The following PRPSAP2 variants were observed in gnomAD, a reference collection of about 807,000 sequenced individuals.
PRPSAP2 encodes the protein phosphoribosyl pyrophosphate synthase-associated protein 2.
A neutral mutation model predicts 40.6 loss-of-function variants in PRPSAP2; 24 were observed. The observed-to-expected ratio is 0.59, with a 90% confidence interval of 0.43 to 0.83. The LOEUF (loss-of-function observed/expected upper bound fraction) is 0.83, where lower values mean the gene tolerates loss of function less well. Ranked by LOEUF, PRPSAP2 falls within the 40% of genes least tolerant of loss-of-function variation. The pLI is 0.00. For missense variants in PRPSAP2, 292 were observed against 465.6 expected (o/e 0.63, Z 3.43); for synonymous variants, 149 against 164.7 (o/e 0.90, Z 0.73).
intron 9 of PRPSAP2, among the ~76,000 whole-genome samples, chr17:18,921,969 A>G (rs1266605440): frequency 1.3e-5 from 2 of 152,118 alleles, no homozygotes; most frequent in African/African-American, 4.8e-5. Context: ...TGCACCCATT[A>G]AGTAGTTTCA....
At chr17:18,863,574 C>T (rs1439037921) in intron 1 of PRPSAP2, among the ~76,000 whole-genome samples, 1 of 152,000 alleles carries the variant, frequency 6.6e-6, no homozygotes, top group Non-Finnish European at 1.5e-5. Flanking sequence ...GCTCTGTCGC[C>T]CAGGCTGGAG....
intron 8 of PRPSAP2, among the ~76,000 whole-genome samples, chr17:18,902,577 A>G (rs1229099423): frequency 6.6e-6 from 1 of 152,082 alleles, no homozygotes; most frequent in Non-Finnish European, 1.5e-5. Flanking sequence ...TTGGCCAAAT[A>G]TGATTGAAAT....
intron 11 of PRPSAP2, 124 bp from the exon 12 acceptor site, chr17:18,930,416 C>A: frequency 1.2e-6 from 1 of 802,908 alleles, no homozygotes; most frequent in Non-Finnish European, 2.0e-6. Context: ...TGACTTGAGA[C>A]ATAGATCCAC....
chr17:18,923,349 G>T (rs929150757), intron 9 of PRPSAP2, among the ~76,000 whole-genome samples: 1 of 145,216 alleles, frequency 6.9e-6, no homozygotes, highest in Non-Finnish European at 1.5e-5. Flanking sequence ...CTCGTGATCC[G>T]CCCGCCTCAG....
rs753619688 is a variant in PRPSAP2 at position 18,867,322 on chromosome 17, G to T, written c.160G>T (p.Glu54Ter). 17 of 1,614,134 alleles carry T rather than the reference G, an allele frequency of 1.1e-5. No individual in the cohort carries two copies. Among genetic ancestry groups the T allele is most frequent in the Non-Finnish European group, 1.4e-5 (17 of 1,180,024 alleles). ...GATGGGCAAAGTGCAGGTTTACCAGGAACCTAACAGAGGTGAGCTATCTTG... is the reference window on the plus strand; with the variant it reads ...GATGGGCAAAGTGCAGGTTTACCAGTAACCTAACAGAGGTGAGCTATCTTG... ...VEMGKVQVYQEPNRETRVQIQ... is the reference protein window; with the variant it reads ...VEMGKVQVYQ The change falls in exon 4 of 12, where the codon GAA becomes TAA. Residue 54 changes from glutamate to a stop codon, truncating the protein, a stop_gained. Transcript: ENST00000268835. LOFTEE classifies it high-confidence loss of function.
chr17:18,918,745 T>C (rs9911940), intron 9 of PRPSAP2, among the ~76,000 whole-genome samples: 27,306 of 152,002 alleles, frequency 0.18, 2,695 homozygotes, highest in African/African-American at 0.25. Context: ...GGGTGGCCAC[T>C]GGCTACATGT....
chr17:18,869,118 C>T (rs1878689446), intron 4 of PRPSAP2, among the ~76,000 whole-genome samples: 1 of 152,054 alleles, frequency 6.6e-6, no homozygotes, highest in African/African-American at 2.4e-5. Flanking sequence ...GAAGCAGTGG[C>T]ATAAGACTCC....
intron 8 of PRPSAP2, among the ~76,000 whole-genome samples, chr17:18,893,133 G>T (rs111348629): frequency 0.086 from 12,838 of 149,710 alleles, 643 homozygotes; most frequent in African/African-American, 0.13. Context: ...AGGTTTCAAT[G>T]CTGATAAAGT....
At chr17:18,897,422 T>C (rs1232510246) in intron 8 of PRPSAP2, among the ~76,000 whole-genome samples, 1 of 150,344 alleles carries the variant, frequency 6.7e-6, no homozygotes, top group African/African-American at 2.5e-5. Context: ...GTCCTTATTC[T>C]GCCATTCTAG....
chr17:18,911,076 G>C lies in PRPSAP2; in HGVS notation c.585-27G>C. ...CAGAACCAAGGGCTGCATGAGTTTT[G>C]AGCTTGTGTCTGGTGTTTTCCCTCA... On this transcript the variant is annotated intron_variant, in intron 8 of 11. Coordinates refer to ENST00000268835, the MANE Select transcript of PRPSAP2 (RefSeq NM_002767.4). The surrounding 1 kb of genome is among the most constrained non-coding windows in gnomAD (Gnocchi z 4.5). 9 of 1,585,406 alleles carry C rather than the reference G, an allele frequency of 5.7e-6. No individual in the cohort carries two copies. Among genetic ancestry groups the C allele is most frequent in the Non-Finnish European group, 7.7e-6 (9 of 1,161,644 alleles).
intron 9 of PRPSAP2, among the ~76,000 whole-genome samples, chr17:18,915,595 G>A (rs1232390983): frequency 1.3e-5 from 2 of 152,188 alleles, no homozygotes; most frequent in Admixed American, 6.5e-5. Flanking sequence ...GAGAAGAAAA[G>A]TGAGCAGGCG....
rs780107011 is a variant in PRPSAP2, at chr17:18,921,071, A to C, written c.734-2843A>C. Among the ~76,000 whole-genome samples, 64 of 152,186 alleles carry C rather than the reference A, an allele frequency of 4.2e-4. No homozygotes were observed. In the South Asian group the frequency reaches 4.6e-3, roughly 11 times the overall value. ...GCAGTGACAATCACGGCTCACTGCA[A>C]CCTTGACCTCCCAGGCTCAAGCGAT... On this transcript the variant is annotated intron_variant, in intron 9 of 11. Coordinates refer to ENST00000268835, the MANE Select transcript of PRPSAP2 (RefSeq NM_002767.4).
intron 9 of PRPSAP2, chr17:18,917,578 ATTATTATTTTTTTTTTTTTTTTTTT>A (rs1385775595): frequency 3.0e-5 from 1 of 33,616 alleles, no homozygotes; most frequent in African/African-American, 1.2e-4. Flanking sequence ...TATTATTATT[ATTATTATTTTTTTTTTTTTTTTTTT>A]TTTTTTTTTT....
At chr17:18,903,461 C>G (rs1408607197) in intron 8 of PRPSAP2, among the ~76,000 whole-genome samples, 3 of 151,944 alleles carry the variant, frequency 2.0e-5, no homozygotes, top group East Asian at 1.9e-4. Flanking sequence ...GGGCTAGGCT[C>G]GATGGCTCAC....
chr17:18,879,817 A>G (rs998179160), intron 6 of PRPSAP2, among the ~76,000 whole-genome samples: 1 of 150,978 alleles, frequency 6.6e-6, no homozygotes, highest in East Asian at 2.0e-4. Flanking sequence ...TTTAAAAACT[A>G]GGCAGGGTGT....
chr17:18,878,009 C>T, intron 6 of PRPSAP2, 139 bp downstream of exon 6: 1 of 896,838 alleles, frequency 1.1e-6, no homozygotes, highest in Non-Finnish European at 1.7e-6. Flanking sequence ...GCAACTTGAA[C>T]TCCTACAGTC....
chr17:18,892,087 C>T (rs2039580202), intron 8 of PRPSAP2, among the ~76,000 whole-genome samples: 1 of 152,172 alleles, frequency 6.6e-6, no homozygotes, highest in African/African-American at 2.4e-5. Flanking sequence ...AAACTCCTGA[C>T]CTTGTGATCT....
chr17:18,919,391 G>A (rs1007380990), intron 9 of PRPSAP2, among the ~76,000 whole-genome samples: 4 of 151,868 alleles, frequency 2.6e-5, no homozygotes, highest in African/African-American at 7.2e-5. Context: ...GCCTGTAATC[G>A]CAGCTACTCA....
At chr17:18,915,988 T>A (rs1485124231) in intron 9 of PRPSAP2, among the ~76,000 whole-genome samples, 2 of 151,798 alleles carry the variant, frequency 1.3e-5, no homozygotes, top group Non-Finnish European at 2.9e-5. Context: ...CCCGGCTAAT[T>A]TTTTGTATTT....
Sources: gnomAD v4.1 joint callset for allele counts (sites outside exome capture counted in the v4.1 genomes callset) on GRCh38, gnomAD v4.1.1 for gene constraint, Gnocchi (gnomAD v3.1) non-coding constraint, MANE v1.5 for transcripts, NCBI Gene and HGNC (gene_info 2026-07-23, HGNC 2026-07-21) for gene names.